Variants in RAB27A observed in about 807,000 individuals in gnomAD.
RAB27A encodes RAB27A, member RAS oncogene family, also known as ras-related protein Rab-27A.
A neutral mutation model predicts 20.8 loss-of-function variants in RAB27A; 17 were observed. That is an observed-to-expected ratio of 0.82 (90% CI 0.56 to 1.23). RAB27A has a LOEUF of 1.23. Among genes scored for constraint, RAB27A ranks in the 50% most tolerant of loss-of-function variants. The pLI, the probability that RAB27A is intolerant of heterozygous loss-of-function variation, is 0.00. For synonymous variants in RAB27A, 85 were observed against 92.8 expected (o/e 0.92, Z 0.48); for missense variants, 277 against 266.7 (o/e 1.04, Z -0.27).
intron 2 of RAB27A, among the ~76,000 whole-genome samples, chr15:55,248,016 C>T (rs780510581): frequency 6.6e-6 from 1 of 151,176 alleles, no homozygotes; most frequent in Non-Finnish European, 1.5e-5. Flanking sequence ...TCACTGCAAG[C>T]TCTGCCTCAG....
intron 2 of RAB27A, among the ~76,000 whole-genome samples, chr15:55,267,752 G>C (rs898317816): frequency 6.6e-6 from 1 of 152,170 alleles, no homozygotes; most frequent in African/African-American, 2.4e-5. Context: ...AGGAAAAACA[G>C]AAATGGAGGC....
Position 55,205,251 on chromosome 15 carries a change from A to C in RAB27A, c.*256T>G. The C allele has an allele frequency of 5.8e-6, 3 of 517,246 alleles. No individual in the cohort carries two copies. The highest frequency in any genetic ancestry group is 2.1e-5 in the South Asian group (1 of 48,704). The allele number at this position is 517,246 out of a possible 1,614,324, so 32.0% of individuals were successfully genotyped here. ...ATTCTGAATCCTTGAATGATTTACT[A>C]TAATAGGCTAAGGTTGTATAAGGCA... is the stretch of plus-strand genomic sequence containing the variant. On this transcript the variant is annotated 3_prime_UTR_variant, in exon 7 of 7. Transcript: ENST00000336787.
chr15:55,262,631 CT>C (rs755378962), intron 2 of RAB27A, among the ~76,000 whole-genome samples: 1 of 116,906 alleles, frequency 8.6e-6, no homozygotes, highest in African/African-American at 4.0e-5. Flanking sequence ...TCTTTTTTTT[CT>C]TTTTTTTTGT....
At chr15:55,314,902 GA>G (rs1217348446) in intron 1 of RAB27A, among the ~76,000 whole-genome samples, 1 of 152,016 alleles carries the variant, frequency 6.6e-6, no homozygotes, top group Non-Finnish European at 1.5e-5. Context: ...CACAGAATTA[GA>G]AAAAAATACT....
At chr15:55,237,494 G>A (rs560840692) in intron 2 of RAB27A, 2 of 152,300 alleles carry the variant, frequency 1.3e-5, no homozygotes, top group Admixed American at 1.3e-4. Context: ...ACACTTCACA[G>A]ATGATGCCTT....
chr15:55,303,826 G>C (rs1475583367), intron 2 of RAB27A, among the ~76,000 whole-genome samples: 1 of 135,186 alleles, frequency 7.4e-6, no homozygotes, highest in Non-Finnish European at 1.6e-5. Context: ...CGCCCCGTCC[G>C]GGAGGGAGGT....
Position 55,224,017 on chromosome 15 carries a change from T to A in RAB27A, c.344-5A>T. ...ATGCATGCATCTGTAGCTGGCCTAT[T>A]AATATAAGAAAGTTTATTATATATG... On this transcript the variant is annotated splice_polypyrimidine_tract_variant and splice_region_variant and intron_variant, in intron 5 of 6. Coordinates refer to ENST00000336787, the MANE Select transcript of RAB27A (RefSeq NM_183235.3). 2 of 1,560,874 alleles carry A rather than the reference T, an allele frequency of 1.3e-6. No homozygotes were observed. Among genetic ancestry groups the A allele is most frequent in the Non-Finnish European group, 1.8e-6 (2 of 1,132,366 alleles).
At chr15:55,318,496 A>C (rs778151937) in intron 1 of RAB27A, among the ~76,000 whole-genome samples, 5 of 150,312 alleles carry the variant, frequency 3.3e-5, no homozygotes, top group Non-Finnish European at 7.4e-5. Flanking sequence ...CGAGGTCAGG[A>C]GTTCCAGACC....
At chr15:55,292,287 C>T (rs775783795), upstream of RAB27A, among the ~76,000 whole-genome samples, 3 of 152,178 alleles carry the variant, frequency 2.0e-5, no homozygotes, top group African/African-American at 4.8e-5. Flanking sequence ...ACTATTCTTA[C>T]CTCTGTATTA....
intron 3 of RAB27A, among the ~76,000 whole-genome samples, chr15:55,231,207 C>A (rs1274413380): frequency 6.6e-6 from 1 of 152,144 alleles, no homozygotes; most frequent in African/African-American, 2.4e-5. Context: ...TTTTCTCTAT[C>A]CAATCCACCA....
At chr15:55,293,469 T>C (rs965695642), upstream of RAB27A, among the ~76,000 whole-genome samples, 5 of 151,276 alleles carry the variant, frequency 3.3e-5, no homozygotes, top group Non-Finnish European at 7.4e-5. Flanking sequence ...TTCAATGTAT[T>C]AGAAATGAAC....
intron 2 of RAB27A, among the ~76,000 whole-genome samples, chr15:55,251,458 G>T (rs1896887723): frequency 6.6e-6 from 1 of 152,164 alleles, no homozygotes; most frequent in African/African-American, 2.4e-5. Flanking sequence ...AGGGGCAAGA[G>T]AGAAAACTGC....
intron 5 of RAB27A, among the ~76,000 whole-genome samples, chr15:55,226,509 T>TTGTGTGTG (rs36074324): frequency 1.9e-4 from 28 of 148,858 alleles, no homozygotes; most frequent in Non-Finnish European, 3.6e-4. Context: ...TTTTATGTAT[T>TTGTGTGTG]TGTGTGTGTG....
intron 6 of RAB27A, among the ~76,000 whole-genome samples, chr15:55,209,659 G>GAT (rs146014309): frequency 0.11 from 16,445 of 149,328 alleles, 939 homozygotes; most frequent in South Asian, 0.16. Context: ...TATCTTTTGG[G>GAT]ATATATATAT....
chr15:55,253,976 AT>A (rs1896991213), intron 2 of RAB27A, among the ~76,000 whole-genome samples: 1 of 152,194 alleles, frequency 6.6e-6, no homozygotes, highest in Non-Finnish European at 1.5e-5. Flanking sequence ...TTCAGGGGAA[AT>A]CACAAAAACA....
At chr15:55,293,093 C>G (rs1466372735), upstream of RAB27A, among the ~76,000 whole-genome samples, 1 of 152,182 alleles carries the variant, frequency 6.6e-6, no homozygotes, top group Non-Finnish European at 1.5e-5. Context: ...GCTTCCCACA[C>G]TGGGGCTTTT....
intron 1 of RAB27A, among the ~76,000 whole-genome samples, chr15:55,287,385 T>C (rs746939211): frequency 6.6e-6 from 1 of 152,198 alleles, no homozygotes; most frequent in African/African-American, 2.4e-5. Flanking sequence ...CTAGAGATTG[T>C]TGCTCACTTT....
At chr15:55,220,150 T>C (rs1374802625) in intron 6 of RAB27A, among the ~76,000 whole-genome samples, 1 of 152,222 alleles carries the variant, frequency 6.6e-6, no homozygotes, top group Non-Finnish European at 1.5e-5. Context: ...GTGTTCTTTA[T>C]TAGGCTTACA....
chr15:55,267,010 T>C (rs1897514973), intron 2 of RAB27A, among the ~76,000 whole-genome samples: 1 of 152,032 alleles, frequency 6.6e-6, no homozygotes, highest in East Asian at 1.9e-4. Flanking sequence ...AGAACAAAAA[T>C]GTAAGGAGCA....
Sources: gnomAD v4.1 joint callset for allele counts (sites outside exome capture counted in the v4.1 genomes callset) on GRCh38, gnomAD v4.1.1 for gene constraint, MANE v1.5 for transcripts, NCBI Gene and HGNC (gene_info 2026-07-23, HGNC 2026-07-21) for gene names.